FHIT: variants seen among roughly 807,000 people sequenced by gnomAD.
FHIT encodes the protein fragile histidine triad diadenosine triphosphatase.
Under a neutral mutation model 17.9 loss-of-function variants are expected in FHIT, and 19 were observed. That is an observed-to-expected ratio of 1.06 (90% CI 0.74 to 1.56). The LOEUF (loss-of-function observed/expected upper bound fraction) is 1.56, where lower values mean the gene tolerates loss of function less well. Among genes scored for constraint, FHIT ranks in the 40% most tolerant of loss-of-function variants. The probability of loss-of-function intolerance (pLI) is 0.00; values close to 1 mark genes in which losing one functional copy is unlikely to be tolerated. For missense variants in FHIT, 248 were observed against 189.2 expected, an observed-to-expected ratio of 1.31 and a Z score of -1.82; for synonymous variants, 81 against 69.7, an observed-to-expected ratio of 1.16 and a Z score of -0.81.
chr3:60,170,773 A>G (rs1414221398), intron 5 of FHIT, among the ~76,000 whole-genome samples: 7 of 152,188 alleles, frequency 4.6e-5, no homozygotes, highest in Non-Finnish European at 8.8e-5. Flanking sequence ...ACTTCCAAAT[A>G]GTATTTAGTT....
chr3:60,541,711 T>TA (rs2036192113), intron 4 of FHIT, among the ~76,000 whole-genome samples: 3 of 152,156 alleles, frequency 2.0e-5, no homozygotes, highest in South Asian at 4.1e-4. Context: ...CGAGTTTTCC[T>TA]AAAAAAGAGC....
At chr3:60,250,497 A>G (rs1705645076) in intron 5 of FHIT, among the ~76,000 whole-genome samples, 1 of 152,172 alleles carries the variant, frequency 6.6e-6, no homozygotes, top group African/African-American at 2.4e-5. Flanking sequence ...TTGTTAGCAA[A>G]GTTCAGCAGC....
At chr3:60,875,513 G>A (rs1182238995) in intron 3 of FHIT, among the ~76,000 whole-genome samples, 4 of 152,144 alleles carry the variant, frequency 2.6e-5, no homozygotes, top group African/African-American at 9.7e-5. Context: ...TCAGCATGCA[G>A]GGACCTTTAA....
chr3:60,155,023 G>A (rs1700619810), intron 5 of FHIT, among the ~76,000 whole-genome samples: 1 of 151,872 alleles, frequency 6.6e-6, no homozygotes, highest in Non-Finnish European at 1.5e-5. Context: ...AACATAGTGA[G>A]ATCCCAGTTT....
intron 5 of FHIT, among the ~76,000 whole-genome samples, chr3:60,129,109 GT>G (rs1313322183): frequency 7.4e-6 from 1 of 135,790 alleles, no homozygotes; most frequent in Non-Finnish European, 1.5e-5. Flanking sequence ...CTGGAGTGCA[GT>G]GGCGCAATCT....
chr3:60,267,850 G>C (rs1241783400), intron 5 of FHIT, among the ~76,000 whole-genome samples: 2 of 152,126 alleles, frequency 1.3e-5, no homozygotes, highest in African/African-American at 4.8e-5. Context: ...GTGATATTCA[G>C]CCTAAATCTT....
At chr3:60,113,008 T>C (rs1369186638) in intron 5 of FHIT, among the ~76,000 whole-genome samples, 1 of 152,152 alleles carries the variant, frequency 6.6e-6, no homozygotes, top group African/African-American at 2.4e-5. Context: ...CAGTGTAGTC[T>C]ATAGTGTGCC....
rs574614173 is a variant in FHIT, at chr3:61,219,889, T to G, written c.-212-19224A>C. On this transcript the variant is annotated intron_variant, in intron 1 of 9. Coordinates refer to ENST00000492590, the MANE Select transcript of FHIT (RefSeq NM_002012.4). ...AATATCTTTCCGAAATATAGAAACCTGCTTTGATGGTGACTCATCTTATCC... is the reference window on the plus strand; with the variant it reads ...AATATCTTTCCGAAATATAGAAACCGGCTTTGATGGTGACTCATCTTATCC... Among the ~76,000 whole-genome samples, 5 of 152,314 alleles carry G rather than the reference T, an allele frequency of 3.3e-5. No homozygotes were observed. The East Asian group carries it at 5.8e-4, about 18-fold the overall frequency.
At chr3:60,724,150 C>T (rs2041867223) in intron 4 of FHIT, among the ~76,000 whole-genome samples, 1 of 152,136 alleles carries the variant, frequency 6.6e-6, no homozygotes, top group Non-Finnish European at 1.5e-5. Flanking sequence ...CATTTTCTCC[C>T]AACCACCCAG....
chr3:61,084,736 TTA>T (rs1158476880), intron 2 of FHIT, among the ~76,000 whole-genome samples: 1 of 152,180 alleles, frequency 6.6e-6, no homozygotes, highest in Non-Finnish European at 1.5e-5. Context: ...TTGAATACAT[TTA>T]TATAGTTATA....
intron 8 of FHIT, among the ~76,000 whole-genome samples, chr3:59,874,233 C>A (rs1273447316): frequency 6.6e-6 from 1 of 152,196 alleles, no homozygotes; most frequent in Non-Finnish European, 1.5e-5. Flanking sequence ...GTCCATCGAT[C>A]CAACTTCTTC....
chr3:60,960,251 G>A (rs575705532), intron 3 of FHIT, among the ~76,000 whole-genome samples: 1 of 152,284 alleles, frequency 6.6e-6, no homozygotes, highest in Non-Finnish European at 1.5e-5. Flanking sequence ...AGAGTCGACT[G>A]AGAGATGACT....
intron 7 of FHIT, among the ~76,000 whole-genome samples, chr3:59,942,337 C>T (rs186497627): frequency 8.7e-4 from 133 of 152,292 alleles, no homozygotes; most frequent in African/African-American, 2.8e-3. Context: ...CTACCTTCCT[C>T]CTCCCCACAC....
intron 3 of FHIT, among the ~76,000 whole-genome samples, chr3:60,853,099 G>C (rs1703218720): frequency 6.6e-6 from 1 of 151,978 alleles, no homozygotes. Context: ...CCATATAAGA[G>C]CCTCCTTTTT....
intron 3 of FHIT, among the ~76,000 whole-genome samples, chr3:60,837,763 G>A (rs916434789): frequency 6.6e-6 from 1 of 151,984 alleles, no homozygotes; most frequent in Non-Finnish European, 1.5e-5. Flanking sequence ...GTGTCTTTCA[G>A]TGCATTTCTG....
intron 5 of FHIT, among the ~76,000 whole-genome samples, chr3:60,130,365 C>T (rs769162900): frequency 2.6e-5 from 4 of 152,158 alleles, no homozygotes; most frequent in African/African-American, 4.8e-5. Flanking sequence ...TAACGGCTGG[C>T]TATAACTAGC....
At chr3:59,803,677 G>T (rs1424671974) in intron 8 of FHIT, among the ~76,000 whole-genome samples, 1 of 152,192 alleles carries the variant, frequency 6.6e-6, no homozygotes. Context: ...TATTAAAGGT[G>T]ACCCAACAAA....
At chr3:60,085,891 C>T (rs987280141) in intron 5 of FHIT, among the ~76,000 whole-genome samples, 4 of 152,178 alleles carry the variant, frequency 2.6e-5, no homozygotes, top group African/African-American at 9.7e-5. Flanking sequence ...TTTAAGGTGG[C>T]TCCTCCTGTG....
intron 7 of FHIT, among the ~76,000 whole-genome samples, chr3:59,967,147 C>T (rs1204469749): frequency 6.6e-6 from 1 of 152,116 alleles, no homozygotes; most frequent in African/African-American, 2.4e-5. Context: ...CACTGAAAGG[C>T]CTTCAGGGGC....
Sources: allele counts gnomAD v4.1 joint callset (sites outside exome capture counted in the v4.1 genomes callset), GRCh38; gene constraint gnomAD v4.1.1; transcripts MANE v1.5; gene names NCBI Gene and HGNC (gene_info 2026-07-23, HGNC 2026-07-21).